The following USP34 variants were observed in gnomAD, a reference collection of about 807,000 sequenced individuals.
The protein encoded by USP34 is ubiquitin carboxyl-terminal hydrolase 34.
USP34 carries 70 observed loss-of-function variants against 460.3 expected under a neutral mutation model. That is an observed-to-expected ratio of 0.15 (90% CI 0.13 to 0.19). The LOEUF (loss-of-function observed/expected upper bound fraction) is 0.19, where lower values mean the gene tolerates loss of function less well. USP34 is among the 10% of genes least tolerant of loss of function. The pLI is 1.00. For synonymous variants in USP34, 1,647 were observed against 1,405.3 expected, an observed-to-expected ratio of 1.17 and a Z score of -3.85; for missense variants, 3,985 against 4,236.2, an observed-to-expected ratio of 0.94 and a Z score of 1.65.
At position 61,232,434 on chromosome 2, in the gene USP34, A is replaced by G; in HGVS notation, c.7113+18T>C. 6.3e-7 allele frequency: 1 copy of G among 1,583,512 alleles called. No individual in the cohort carries two copies. Among genetic ancestry groups the G allele is most frequent in the South Asian group, 1.2e-5 (1 of 86,930 alleles). On this transcript the variant is annotated intron_variant, in intron 58 of 79. Transcript: ENST00000398571. ...ACTTCTTTTCCAAATAATTTTTTTC[A>G]AACATATTTTTCCTTACCTGTCTCA... is the stretch of plus-strand genomic sequence containing the variant.
At chr2:61,434,993 C>G (rs1320199716) in intron 1 of USP34, among the ~76,000 whole-genome samples, 1 of 151,986 alleles carries the variant, frequency 6.6e-6, no homozygotes, top group African/African-American at 2.4e-5. Flanking sequence ...GAAAATAATT[C>G]ATGATTTTAA....
rs1435944058 is a variant in USP34, at chr2:61,301,804, C to G, written c.3818-350G>C. On this transcript the variant is annotated intron_variant, in intron 27 of 79. Transcript: ENST00000398571. ...TTATTTTCTCACCTCTTTCAAGTCT[C>G]TCATCCAATGGGAGCTTTTTCCTTA... is the stretch of plus-strand genomic sequence containing the variant. Among the ~76,000 whole-genome samples the G allele has an allele frequency of 3.3e-5, 5 of 152,336 alleles. No individual in the cohort carries two copies. The East Asian group carries it at 9.6e-4, about 29-fold the overall frequency.
At chr2:61,198,557 C>CTTT (rs11340973) in intron 75 of USP34, among the ~76,000 whole-genome samples, 1 of 139,548 alleles carries the variant, frequency 7.2e-6, no homozygotes, top group African/African-American at 2.6e-5. Flanking sequence ...ATCTGATAGA[C>CTTT]TTTTTTTTTT....
In USP34 at chr2:61,188,159, T is replaced by G. The variant is rs769393778; in HGVS notation, c.10584A>C (p.Glu3528Asp). 1 of 1,614,064 alleles carries G rather than the reference T, an allele frequency of 6.2e-7. No homozygotes were observed. Among genetic ancestry groups the G allele is most frequent in the East Asian group, 2.2e-5 (1 of 44,868 alleles). The change falls in exon 80 of 80, where the codon GAA (glutamate) becomes GAC (aspartate). Residue 3528 changes from glutamate to aspartate, a missense_variant. This residue lies in a region of USP34 where 506 missense variants were observed against 439.0 expected (regional missense o/e 1.15). Coordinates refer to ENST00000398571, the MANE Select transcript of USP34 (RefSeq NM_014709.4). ...DILDTLCRTI[E>D]STIHVVTRIS... Reference sequence around the variant, plus strand: ...TCCTTGTGACGACATGGATTGTAGATTCAATGGTCCTACACAGGGTATCTA... The same window carrying G: ...TCCTTGTGACGACATGGATTGTAGAGTCAATGGTCCTACACAGGGTATCTA...
Position 61,188,257 on chromosome 2 carries a change from G to C in USP34, c.10486C>G (p.Pro3496Ala). 1 of 1,614,022 alleles carries C rather than the reference G, an allele frequency of 6.2e-7. No homozygotes were observed. The highest frequency in any genetic ancestry group is 8.5e-7 in the Non-Finnish European group (1 of 1,180,022). ...CDGQALPSQD[P>A]EVALSLSCGH... ...CAACTGAGAGATAAAGCAACCTCAG[G>C]GTCCTGGGAGGGCAAAGCTTGGCCA... Residue 3496 changes from proline (P) to alanine (A), a missense_variant, in exon 80 of 80, where the codon CCT (proline) becomes GCT (alanine). Pro to Ala is a conservative substitution (Grantham distance 27). Transcript: ENST00000398571.
In USP34 at chr2:61,214,706, A is replaced by G. The variant is rs1448327766; in HGVS notation, c.8048-12T>C. On this transcript the variant is annotated splice_polypyrimidine_tract_variant and intron_variant, in intron 67 of 79. Coordinates refer to ENST00000398571, the MANE Select transcript of USP34 (RefSeq NM_014709.4). ...AAGATAAGCTGCAGCTATAAAATGT[A>G]AAACAAAACTGTCAGATCCTTGTAA... is the stretch of plus-strand genomic sequence containing the variant. The G allele has an allele frequency of 6.2e-7, 1 of 1,612,438 alleles. No individual in the cohort carries two copies. The highest frequency in any genetic ancestry group is 2.2e-5 in the East Asian group (1 of 44,890).
At chr2:61,355,025 G>T (rs148183117) in intron 10 of USP34, among the ~76,000 whole-genome samples, 29 of 152,282 alleles carry the variant, frequency 1.9e-4, no homozygotes, top group African/African-American at 6.7e-4. Flanking sequence ...TATCCTGCAA[G>T]ACAGGCACTC....
chr2:61,427,204 A>G (rs963229025), intron 1 of USP34, among the ~76,000 whole-genome samples: 3 of 152,094 alleles, frequency 2.0e-5, no homozygotes, highest in Non-Finnish European at 4.4e-5. Flanking sequence ...ATTTTTTTGT[A>G]TTTTTAGTAG....
At chr2:61,406,150 A>T in intron 2 of USP34, 22 bp from the exon 3 acceptor site, 2 of 1,489,962 alleles carry the variant, frequency 1.3e-6, no homozygotes, top group Non-Finnish European at 1.8e-6. Context: ...AAAAAATTGA[A>T]TAAATTAGTA....
At position 61,225,207 on chromosome 2, in the gene USP34, C is replaced by G. The variant is rs557354022; in HGVS notation, c.7595+1860G>C. On this transcript the variant is annotated intron_variant, in intron 62 of 79. Coordinates refer to ENST00000398571, the MANE Select transcript of USP34 (RefSeq NM_014709.4). Reference sequence around the variant, plus strand: ...TAGTTTTAAATAAGTTATGCAAAACCCTACAATTTAATATTTTTATCTTTC... The same window carrying G: ...TAGTTTTAAATAAGTTATGCAAAACGCTACAATTTAATATTTTTATCTTTC... Among the ~76,000 whole-genome samples, 3 of 152,022 alleles carry G rather than the reference C, an allele frequency of 2.0e-5. No homozygotes were observed. The East Asian group carries it at 5.8e-4, about 29-fold the overall frequency.
At chr2:61,249,157 G>T (rs971442986) in intron 48 of USP34, among the ~76,000 whole-genome samples, 1 of 152,160 alleles carries the variant, frequency 6.6e-6, no homozygotes, top group African/African-American at 2.4e-5. Flanking sequence ...CAACCTCATC[G>T]TATGATTTTT....
intron 23 of USP34, 86 bp from the exon 24 acceptor site, chr2:61,315,060 T>C (rs1408832682): frequency 3.8e-5 from 36 of 948,506 alleles, no homozygotes; most frequent in Non-Finnish European, 5.2e-5. Flanking sequence ...GTAAAAATCA[T>C]AGGCAACTCC....
rs768236817 is a variant in USP34 at position 61,333,879 on chromosome 2, T to C, written c.2834+3A>G. 3.3e-6 allele frequency: 5 copies of C among 1,502,908 alleles called. No individual in the cohort carries two copies. The East Asian group carries it at 1.2e-4, about 36-fold the overall frequency. 93.1% of individuals were successfully genotyped at this position (1,502,908 alleles called of 1,614,324 possible). ...TAAATACTTTTTTCTTTTATTTACT[T>C]ACATTGTTATCCAGTGTGTATCGTA... On this transcript the variant is annotated splice_donor_region_variant and intron_variant, in intron 19 of 79. Coordinates refer to ENST00000398571, the MANE Select transcript of USP34 (RefSeq NM_014709.4).
At position 61,256,965 on chromosome 2, in the gene USP34, T is replaced by A. The variant is rs764170690; in HGVS notation, c.6049-15A>T. 1 of 1,468,842 alleles carries A rather than the reference T, an allele frequency of 6.8e-7. No homozygotes were observed. The highest frequency in any genetic ancestry group is 2.5e-4 in the Middle Eastern group (1 of 4,042). 91.0% of individuals were successfully genotyped at this position (1,468,842 alleles called of 1,614,324 possible). Reference sequence around the variant, plus strand: ...TGTTCACAATCCTAATCAATACACATAAAAAATTAATAAAAACTAGTAAAT... The same window carrying A: ...TGTTCACAATCCTAATCAATACACAAAAAAAATTAATAAAAACTAGTAAAT... On this transcript the variant is annotated splice_polypyrimidine_tract_variant and intron_variant, in intron 46 of 79. Coordinates refer to ENST00000398571, the MANE Select transcript of USP34 (RefSeq NM_014709.4).
In USP34 at chr2:61,192,592, T is replaced by TC. The variant is rs1407228434; in HGVS notation, c.9588+308dup. Reference sequence around the variant, plus strand: ...AGAGGAAGAAGTGGCAAGTGCCTTTTCCCCCACTATCTCCCTGTTTTGGAT... The same window carrying TC: ...AGAGGAAGAAGTGGCAAGTGCCTTTTCCCCCCACTATCTCCCTGTTTTGGAT... On this transcript the variant is annotated intron_variant, in intron 76 of 79. Coordinates refer to ENST00000398571, the MANE Select transcript of USP34 (RefSeq NM_014709.4). Among the ~76,000 whole-genome samples the TC allele has an allele frequency of 2.0e-5, 3 of 152,160 alleles. No homozygotes were observed. In the East Asian group the frequency reaches 5.8e-4, roughly 29 times the overall value.
chr2:61,406,988 C>G (rs777158328), intron 2 of USP34, among the ~76,000 whole-genome samples: 5 of 152,016 alleles, frequency 3.3e-5, no homozygotes, highest in Non-Finnish European at 5.9e-5. Flanking sequence ...CCAGCCTGGG[C>G]AACAAGACCA....
chr2:61,188,728 A>T lies in USP34; in HGVS notation c.10034-19T>A. 1 of 1,604,038 alleles carries T rather than the reference A, an allele frequency of 6.2e-7. No homozygotes were observed. Among genetic ancestry groups the T allele is most frequent in the Non-Finnish European group, 8.5e-7 (1 of 1,175,766 alleles). On this transcript the variant is annotated intron_variant, in intron 79 of 79. Coordinates refer to ENST00000398571, the MANE Select transcript of USP34 (RefSeq NM_014709.4). ...TCATCATCTGTGAAAACACATGCCA[A>T]AAGGGAAACTTCTCTGAAAGTCATT...
intron 21 of USP34, among the ~76,000 whole-genome samples, chr2:61,319,987 C>T (rs951286302): frequency 8.6e-5 from 13 of 152,004 alleles, no homozygotes; most frequent in African/African-American, 3.1e-4. Context: ...CAGTTTTTGG[C>T]GAATCGGTGG....
chr2:61,436,432 C>T (rs913326591), intron 1 of USP34, among the ~76,000 whole-genome samples: 1 of 152,062 alleles, frequency 6.6e-6, no homozygotes, highest in South Asian at 2.1e-4. Flanking sequence ...ACAAAACAGA[C>T]TTCAAGCCAA....
Sources: allele counts gnomAD v4.1 joint callset (sites outside exome capture counted in the v4.1 genomes callset), GRCh38; gene constraint gnomAD v4.1.1; regional missense constraint gnomAD v4.1.1; transcripts MANE v1.5; gene names NCBI Gene and HGNC (gene_info 2026-07-23, HGNC 2026-07-21).